Variants in MYL10 observed in about 807,000 individuals in gnomAD.
MYL10 encodes myosin light chain 10, also known as myosin regulatory light chain 10.
MYL10 carries 18 observed loss-of-function variants against 21.9 expected under a neutral mutation model. That is an observed-to-expected ratio of 0.82 (90% CI 0.57 to 1.22). The LOEUF is 1.22. Among genes scored for constraint, MYL10 ranks in the 50% most tolerant of loss-of-function variants. The pLI, the probability that MYL10 is intolerant of heterozygous loss-of-function variation, is 0.00. For synonymous variants in MYL10, 88 were observed against 82.8 expected (o/e 1.06, Z -0.34); for missense variants, 225 against 230.4 (o/e 0.98, Z 0.15).
intron 1 of MYL10, among the ~76,000 whole-genome samples, chr7:101,628,077 G>T (rs1584543712): frequency 6.6e-6 from 1 of 152,180 alleles, no homozygotes; most frequent in Non-Finnish European, 1.5e-5. Context: ...CTATTATCAG[G>T]GTGTCCATTA....
At chr7:101,619,051 C>T (rs1170762263) in intron 5 of MYL10, among the ~76,000 whole-genome samples, 1 of 152,222 alleles carries the variant, frequency 6.6e-6, no homozygotes. Context: ...CTCACAGCCT[C>T]ACCTCCTGGG....
intron 6 of MYL10, among the ~76,000 whole-genome samples, chr7:101,615,084 C>T (rs1444076116): frequency 6.6e-6 from 1 of 152,124 alleles, no homozygotes; most frequent in Non-Finnish European, 1.5e-5. Flanking sequence ...GGGTGGGGCA[C>T]CCCTACCCTC....
chr7:101,627,323 A>AGGGCAGGGGCAG, intron 1 of MYL10, among the ~76,000 whole-genome samples: 1 of 14,994 alleles, frequency 6.7e-5, no homozygotes, highest in Non-Finnish European at 1.3e-4. Context: ...TTGCGGAGTG[A>AGGGCAGGGGCAG]GGTCAGGGGC....
intron 6 of MYL10, 124 bp from the exon 7 acceptor site, chr7:101,613,834 C>A: frequency 1.1e-6 from 1 of 919,148 alleles, no homozygotes; most frequent in South Asian, 1.5e-5. Flanking sequence ...GGACATCAAC[C>A]TGGGGCTGAC....
intron 6 of MYL10, among the ~76,000 whole-genome samples, chr7:101,614,657 C>T (rs2240391): frequency 0.15 from 22,209 of 152,108 alleles, 2,564 homozygotes; most frequent in East Asian, 0.65. Context: ...GAGCCACAGA[C>T]CCCGAGGGAG....
Position 101,620,913 on chromosome 7 carries a change from C to T in MYL10, c.454+1183G>A, listed in dbSNP as rs532199696. 2.0e-3 allele frequency among the ~76,000 whole-genome samples: 302 copies of T among 151,950 alleles called. 1 individual carries two copies. Among genetic ancestry groups the T allele is most frequent in the Admixed American group, 0.013 (202 of 15,252 alleles). ...AAGCGATTCTCCTGCCTCAGCCTCC[C>T]GAGCAGCTGGGATTACGGGCACCCA... On this transcript the variant is annotated intron_variant, in intron 5 of 7. Transcript: ENST00000223167.
intron 1 of MYL10, among the ~76,000 whole-genome samples, chr7:101,626,006 A>G (rs1469593172): frequency 6.6e-6 from 1 of 151,876 alleles, no homozygotes; most frequent in Admixed American, 6.6e-5. Flanking sequence ...TTACAGCACA[A>G]GAGTCCTAAA....
chr7:101,619,468 G>A (rs73173966), intron 5 of MYL10, among the ~76,000 whole-genome samples: 7,205 of 152,312 alleles, frequency 0.047, 235 homozygotes, highest in Non-Finnish European at 0.072. Flanking sequence ...CCAGGACACG[G>A]TGCGTGGAGG....
At chr7:101,614,489 C>T (rs551770822) in intron 6 of MYL10, among the ~76,000 whole-genome samples, 1 of 152,234 alleles carries the variant, frequency 6.6e-6, no homozygotes, top group Non-Finnish European at 1.5e-5. Context: ...TCCCATGTCC[C>T]AAGGCAGTGC....
chr7:101,628,528 C>G (rs543186522), intron 1 of MYL10, among the ~76,000 whole-genome samples: 2 of 152,178 alleles, frequency 1.3e-5, no homozygotes, highest in East Asian at 3.9e-4. Flanking sequence ...CTCCATTCCA[C>G]CCTGGCCTCA....
chr7:101,619,544 A>T (rs1277623979), intron 5 of MYL10, among the ~76,000 whole-genome samples: 1 of 152,174 alleles, frequency 6.6e-6, no homozygotes, highest in African/African-American at 2.4e-5. Context: ...CAAACCTGTG[A>T]TGTCAGGTCG....
Position 101,613,507 on chromosome 7 carries a change from A to G in MYL10, c.649T>C (p.Tyr217His), listed in dbSNP as rs752453176. The change falls in exon 8 of 8, where the codon TAC becomes CAC. Residue 217 changes from tyrosine (Y) to histidine (H), a missense_variant. Transcript: ENST00000223167. Reference sequence around the variant, plus strand: ...TTCTCTTCACCGTGAGTGATGACGTAGCACAGGTTTCTGTAGTCCAGGTTG... The same window carrying G: ...TTCTCTTCACCGTGAGTGATGACGTGGCACAGGTTTCTGTAGTCCAGGTTG... ...CGNLDYRNLC[Y>H]VITHGEEKD 3.1e-6 allele frequency: 5 copies of G among 1,614,042 alleles called. No individual in the cohort carries two copies. In the Admixed American group the frequency reaches 8.3e-5, roughly 27 times the overall value.
chr7:101,622,963 G>A (rs1796698337), intron 4 of MYL10, 34 bp downstream of exon 4: 1 of 1,604,436 alleles, frequency 6.2e-7, no homozygotes, highest in East Asian at 2.2e-5. Flanking sequence ...TGGCTGGCCT[G>A]GCCCTAATCT....
rs753566972 is a variant in MYL10 at position 101,623,043 on chromosome 7, A to G, written c.303T>C (p.Asp101=). 1 of 1,614,096 alleles carries G rather than the reference A, an allele frequency of 6.2e-7. No homozygotes were observed. The highest frequency in any genetic ancestry group is 1.1e-5 in the South Asian group (1 of 91,084). The change falls in exon 4 of 8, where the codon GAT becomes GAC. Residue 101 remains aspartate, a synonymous_variant. Transcript: ENST00000223167. The part of the protein sequence containing the change: ...QAFTIMDQNR[D]GFIDKEDLRD... ...TCAAGTCCTCTTTGTCGATGAAGCCATCACGGTTCTGGTCCATGATGGTGA... is the reference window on the plus strand; with the variant it reads ...TCAAGTCCTCTTTGTCGATGAAGCCGTCACGGTTCTGGTCCATGATGGTGA...
intron 1 of MYL10, among the ~76,000 whole-genome samples, chr7:101,628,794 G>A (rs748890678): frequency 8.5e-5 from 13 of 152,376 alleles, no homozygotes; most frequent in Non-Finnish European, 1.8e-4. Flanking sequence ...TGTCCCTGGA[G>A]CTGGCCTCAG....
intron 6 of MYL10, 81 bp downstream of exon 6, chr7:101,616,139 A>T: frequency 8.5e-7 from 1 of 1,172,500 alleles, no homozygotes; most frequent in East Asian, 2.4e-5. Context: ...GGGAGAGGAG[A>T]CTGGGCGACC....
At chr7:101,624,870 C>T (rs1796726325) in intron 1 of MYL10, among the ~76,000 whole-genome samples, 1 of 152,096 alleles carries the variant, frequency 6.6e-6, no homozygotes, top group Non-Finnish European at 1.5e-5. Flanking sequence ...TCCTACCCAT[C>T]CTGCAGGCTC....
At chr7:101,622,935 C>G (rs1439327961) in intron 4 of MYL10, 62 bp downstream of exon 4, 1 of 1,517,078 alleles carries the variant, frequency 6.6e-7, no homozygotes, top group Non-Finnish European at 9.1e-7. Flanking sequence ...CCTGCTGGCC[C>G]CAACCGCCCA....
intron 4 of MYL10, 35 bp downstream of exon 4, chr7:101,622,961 CT>C (rs778347975): frequency 6.2e-7 from 1 of 1,605,258 alleles, no homozygotes. Flanking sequence ...TCTGGCTGGC[CT>C]GGCCCTAATC....
Sources: gnomAD v4.1 joint callset for allele counts (sites outside exome capture counted in the v4.1 genomes callset) on GRCh38, gnomAD v4.1.1 for gene constraint, MANE v1.5 for transcripts, NCBI Gene and HGNC (gene_info 2026-07-23, HGNC 2026-07-21) for gene names.